The following DNAJC6 variants were observed in gnomAD, a reference collection of about 807,000 sequenced individuals.
DNAJC6 encodes auxilin.
DNAJC6 carries 34 observed loss-of-function variants against 110.0 expected under a neutral mutation model. The ratio of observed to expected loss-of-function variants is 0.31; its 90% confidence interval spans 0.24 to 0.41. DNAJC6 has a LOEUF of 0.41. Ranked by LOEUF, DNAJC6 falls within the 10% of genes least tolerant of loss-of-function variation. DNAJC6 has a pLI of 1.00. For synonymous variants in DNAJC6, 406 were observed against 437.2 expected, an observed-to-expected ratio of 0.93 and a Z score of 0.89; for missense variants, 1,031 against 1,207.8, an observed-to-expected ratio of 0.85 and a Z score of 2.17.
intron 1 of DNAJC6, among the ~76,000 whole-genome samples, chr1:65,336,449 C>T (rs928610001): frequency 2.6e-5 from 4 of 152,000 alleles, no homozygotes; most frequent in Non-Finnish European, 5.9e-5. Flanking sequence ...ATATGTAGTA[C>T]CTAAATATAT....
rs1322983107 is a variant in DNAJC6, at chr1:65,406,097, G to A, written c.2455G>A (p.Gly819Ser). 1.2e-6 allele frequency: 2 copies of A among 1,614,176 alleles called. No homozygotes were observed. Among genetic ancestry groups the A allele is most frequent in the East Asian group, 2.2e-5 (1 of 44,876 alleles). Residue 819 changes from glycine to serine, a missense_variant, in exon 16 of 19, where the codon GGC becomes AGC. Transcript: ENST00000371069. ...CGTGAGCTTCTCAGCCATGCCTGGG[G>A]GCCAGAACGAACGTGGGAAAGGATC... ...YNVSFSAMPG[G>S]QNERGKGSSN...
chr1:65,323,283 C>T lies in DNAJC6; in HGVS notation c.193+13345C>T, dbSNP rs1166934347. Among the ~76,000 whole-genome samples, 7 of 152,264 alleles carry T rather than the reference C, an allele frequency of 4.6e-5. No homozygotes were observed. The East Asian group carries it at 1.3e-3, about 29-fold the overall frequency. ...TAATCCCCATTTGTCGGAGGAGGGG[C>T]CTGGTGGGAGATGATTGAATCATGG... is the stretch of plus-strand genomic sequence containing the variant. On this transcript the variant is annotated intron_variant, in intron 1 of 18. Coordinates refer to ENST00000371069, the MANE Select transcript of DNAJC6 (RefSeq NM_001256864.2).
chr1:65,278,170 T>A (rs1314843899), intron 1 of DNAJC6, among the ~76,000 whole-genome samples: 1 of 152,238 alleles, frequency 6.6e-6, no homozygotes, highest in Non-Finnish European at 1.5e-5. Context: ...GTCATTCTCA[T>A]GTGCTTCATG....
chr1:65,369,656 A>G (rs1645687075), intron 4 of DNAJC6, among the ~76,000 whole-genome samples: 1 of 152,140 alleles, frequency 6.6e-6, no homozygotes, highest in Admixed American at 6.6e-5. Context: ...TGAAACCTGA[A>G]TTCAGTCATT....
intron 7 of DNAJC6, 83 bp from the exon 8 acceptor site, chr1:65,386,729 A>T: frequency 8.4e-7 from 1 of 1,195,544 alleles, no homozygotes; most frequent in Non-Finnish European, 1.2e-6. Context: ...TCTGGGCCAG[A>T]GCCATAGAGA....
intron 4 of DNAJC6, among the ~76,000 whole-genome samples, chr1:65,368,037 G>A (rs1483048497): frequency 6.6e-6 from 1 of 152,006 alleles, no homozygotes; most frequent in Admixed American, 6.6e-5. Flanking sequence ...AAATAAAAAA[G>A]CATGAATGTG....
chr1:65,326,936 C>T (rs1346972053), intron 1 of DNAJC6, among the ~76,000 whole-genome samples: 1 of 152,074 alleles, frequency 6.6e-6, no homozygotes, highest in African/African-American at 2.4e-5. Flanking sequence ...AGGAACCTGT[C>T]TTATGTTGAG....
chr1:65,386,004 A>G, intron 7 of DNAJC6, 98 bp downstream of exon 7: 3 of 1,186,716 alleles, frequency 2.5e-6, no homozygotes, highest in East Asian at 5.0e-5. Context: ...AGACTATATC[A>G]TTGTGAAATA....
chr1:65,366,302 A>G lies in DNAJC6; in HGVS notation c.543+106A>G, dbSNP rs185044945. 7.3e-6 allele frequency: 9 copies of G among 1,229,614 alleles called. No individual in the cohort carries two copies. In the East Asian group the frequency reaches 1.9e-4, roughly 26 times the overall value. The allele number at this position is 1,229,614 out of a possible 1,614,324, so 76.2% of individuals were successfully genotyped here. A position where few individuals can be genotyped will look rare whatever the true frequency, so the allele number is the denominator to read the frequency against. On this transcript the variant is annotated intron_variant, in intron 4 of 18. Transcript: ENST00000371069. ...GCCCTTAGGCATCTGAAGCTGAAAA[A>G]CTATACACTCTGGACACTTCTGTTC...
At chr1:65,373,251 A>G (rs1382019327) in intron 4 of DNAJC6, among the ~76,000 whole-genome samples, 1 of 152,204 alleles carries the variant, frequency 6.6e-6, no homozygotes, top group African/African-American at 2.4e-5. Flanking sequence ...TATTGTGAAT[A>G]GTGCTGCAAT....
intron 1 of DNAJC6, among the ~76,000 whole-genome samples, chr1:65,297,433 G>A (rs1644938831): frequency 6.6e-6 from 1 of 152,146 alleles, no homozygotes; most frequent in African/African-American, 2.4e-5. Context: ...TAAATTGAAA[G>A]GGATAGTCTA....
chr1:65,407,755 A>G (rs544958093), intron 16 of DNAJC6, among the ~76,000 whole-genome samples: 1 of 152,318 alleles, frequency 6.6e-6, no homozygotes, highest in Admixed American at 6.5e-5. Flanking sequence ...GCAGGGAACA[A>G]GAAACAAAAT....
chr1:65,294,714 T>A (rs1214561365), intron 1 of DNAJC6, among the ~76,000 whole-genome samples: 1 of 151,838 alleles, frequency 6.6e-6, no homozygotes. Context: ...AAAGTGTTAT[T>A]AAAATTAATT....
intron 16 of DNAJC6, 134 bp downstream of exon 16, chr1:65,406,267 T>G: frequency 1.6e-6 from 2 of 1,284,310 alleles, no homozygotes; most frequent in Non-Finnish European, 2.1e-6. Flanking sequence ...AATCTTATAG[T>G]TGTAGAGATA....
intron 1 of DNAJC6, among the ~76,000 whole-genome samples, chr1:65,325,093 T>C (rs183694014): frequency 3.8e-3 from 577 of 152,262 alleles, no homozygotes; most frequent in Non-Finnish European, 5.5e-3. Context: ...TTCAGGAAGA[T>C]GGCGTGGAAA....
chr1:65,374,767 T>C (rs1343179163), intron 4 of DNAJC6, among the ~76,000 whole-genome samples: 2 of 152,152 alleles, frequency 1.3e-5, no homozygotes, highest in Non-Finnish European at 2.9e-5. Context: ...TTAGATGTCC[T>C]TTATTTCTTT....
rs1027935819 is a variant in DNAJC6, at chr1:65,374,899, C to T, written c.544-4503C>T. 7.9e-5 allele frequency among the ~76,000 whole-genome samples: 12 copies of T among 151,770 alleles called. 1 individual carries two copies. The highest frequency in any genetic ancestry group is 2.0e-4 in the Admixed American group (3 of 15,228). On this transcript the variant is annotated intron_variant, in intron 4 of 18. Coordinates refer to ENST00000371069, the MANE Select transcript of DNAJC6 (RefSeq NM_001256864.2). ...GCCTTCAATTTTCCTCCATTCAGTA[C>T]GATGTTAGCCATGGATTTGTCATAG...
At chr1:65,313,509 C>A (rs1163681906) in intron 1 of DNAJC6, among the ~76,000 whole-genome samples, 1 of 152,140 alleles carries the variant, frequency 6.6e-6, no homozygotes, top group Non-Finnish European at 1.5e-5. Flanking sequence ...GAAACTTATT[C>A]TCAGAGGTGG....
chr1:65,330,562 G>A (rs1026273885), intron 1 of DNAJC6, among the ~76,000 whole-genome samples: 1 of 152,072 alleles, frequency 6.6e-6, no homozygotes, highest in African/African-American at 2.4e-5. Flanking sequence ...TCCGCCTCCT[G>A]GGTTCAAGCC....
Sources: gnomAD v4.1 joint callset for allele counts (sites outside exome capture counted in the v4.1 genomes callset) on GRCh38, gnomAD v4.1.1 for gene constraint, MANE v1.5 for transcripts, NCBI Gene and HGNC (gene_info 2026-07-23, HGNC 2026-07-21) for gene names.